Variants in ST8SIA5 observed in about 807,000 individuals in gnomAD.
The protein encoded by ST8SIA5 is ST8 alpha-N-acetyl-neuraminide alpha-2,8-sialyltransferase 5, also known as alpha-2,8-sialyltransferase 8E.
Under a neutral mutation model 40.2 loss-of-function variants are expected in ST8SIA5, and 24 were observed. The observed-to-expected ratio is 0.60, with a 90% confidence interval of 0.43 to 0.84. The LOEUF (loss-of-function observed/expected upper bound fraction) is 0.84. ST8SIA5 is among the 40% of genes least tolerant of loss of function. The pLI, the probability that ST8SIA5 is intolerant of heterozygous loss-of-function variation, is 0.00. For missense variants in ST8SIA5, 465 were observed against 498.5 expected (o/e 0.93, Z 0.64); for synonymous variants, 198 against 201.8 (o/e 0.98, Z 0.16).
intron 1 of ST8SIA5, among the ~76,000 whole-genome samples, chr18:46,738,251 C>CAAA (rs10645121): frequency 0.017 from 2,299 of 138,820 alleles, 53 homozygotes; most frequent in African/African-American, 0.05. Flanking sequence ...ATAGAAATGT[C>CAAA]AAAAAAAAAA....
chr18:46,743,469 T>C (rs182922128), intron 1 of ST8SIA5, among the ~76,000 whole-genome samples: 1 of 152,266 alleles, frequency 6.6e-6, no homozygotes, highest in East Asian at 1.9e-4. Flanking sequence ...GTATCAGTGA[T>C]TGAAGATCAA....
chr18:46,695,220 T>C (rs545977497), intron 2 of ST8SIA5, among the ~76,000 whole-genome samples: 1 of 151,902 alleles, frequency 6.6e-6, no homozygotes, highest in East Asian at 1.9e-4. Flanking sequence ...GCATGTCCTG[T>C]GTTTAATTGG....
In ST8SIA5 at chr18:46,682,009, C is replaced by T; in HGVS notation, c.625G>A (p.Asp209Asn). 6.2e-7 allele frequency: 1 copy of T among 1,613,776 alleles called. No individual in the cohort carries two copies. The highest frequency in any genetic ancestry group is 8.5e-7 in the Non-Finnish European group (1 of 1,179,932). Residue 209 changes from aspartate to asparagine, a missense_variant, in exon 6 of 7, where the codon GAT becomes AAT. Physicochemically the swap from Asp to Asn is conservative, Grantham distance 23. Coordinates refer to ENST00000315087, the MANE Select transcript of ST8SIA5 (RefSeq NM_013305.6). ...ATGCTGGGGTTCACAGTGACCACAT[C>T]CGTCTTCACCCCCACATCCATGGTG... ...KYTMDVGVKT[D>N]VVTVNPSIIT... is the part of the protein sequence containing the mutation.
chr18:46,685,730 G>A (rs903346014), intron 5 of ST8SIA5: 1 of 170,308 alleles, frequency 5.9e-6, no homozygotes, highest in Non-Finnish European at 1.3e-5. Context: ...AGATAAGAGG[G>A]GGGCTTTACG....
chr18:46,714,440 C>T (rs758526242), intron 1 of ST8SIA5, among the ~76,000 whole-genome samples: 14 of 152,042 alleles, frequency 9.2e-5, no homozygotes, highest in East Asian at 1.9e-4. Flanking sequence ...AGCACAGGAT[C>T]GTGAAGAAGG....
rs2039316481 is a variant in ST8SIA5, at chr18:46,672,705, C to T, written c.*7337G>A. On this transcript the variant is annotated 3_prime_UTR_variant, in exon 7 of 7. Coordinates refer to ENST00000315087, the MANE Select transcript of ST8SIA5 (RefSeq NM_013305.6). ...TCTAAAAGATCAGCAAGGCTATTGT[C>T]TCTCAGGACATGCTGGCCAGGACAG... 6.6e-6 allele frequency: 1 copy of T among 152,134 alleles called. No homozygotes were observed. The highest frequency in any genetic ancestry group is 1.5e-5 in the Non-Finnish European group (1 of 68,056). 9.4% of individuals were successfully genotyped at this position (152,134 alleles called of 1,614,324 possible).
chr18:46,669,843 G>A lies in ST8SIA5; in HGVS notation c.*10199C>T, dbSNP rs1448363480. 6.6e-6 allele frequency: 1 copy of A among 152,156 alleles called. No homozygotes were observed. The highest frequency in any genetic ancestry group is 1.5e-5 in the Non-Finnish European group (1 of 68,046). The allele number at this position is 152,156 out of a possible 1,614,324, so 9.4% of individuals were successfully genotyped here. On this transcript the variant is annotated 3_prime_UTR_variant, in exon 7 of 7. Coordinates refer to ENST00000315087, the MANE Select transcript of ST8SIA5 (RefSeq NM_013305.6). ...TCCCAGCACTTTGGGAGGAGGAGGT[G>A]GGCGAATCACGAGGTCAGGAGTTCA...
rs2039325646 is a variant in ST8SIA5, at chr18:46,674,101, G to GC, written c.*5940_*5941insG. ...CCAAAGCATTCAGCATGTTCCTCTA[G>GC]TTTTTTAAACACCATTGATAAATCC... On this transcript the variant is annotated 3_prime_UTR_variant, in exon 7 of 7. Coordinates refer to ENST00000315087, the MANE Select transcript of ST8SIA5 (RefSeq NM_013305.6). 6.6e-6 allele frequency: 1 copy of GC among 152,164 alleles called. No homozygotes were observed. Among genetic ancestry groups the GC allele is most frequent in the African/African-American group, 2.4e-5 (1 of 41,432 alleles). The allele number at this position is 152,164 out of a possible 1,614,324, so 9.4% of individuals were successfully genotyped here.
chr18:46,738,604 A>G (rs2040058052), intron 1 of ST8SIA5, among the ~76,000 whole-genome samples: 1 of 151,992 alleles, frequency 6.6e-6, no homozygotes, highest in African/African-American at 2.4e-5. Flanking sequence ...GCGAAACTGT[A>G]AAGTCACTCT....
rs1287695829 is a variant in ST8SIA5 at position 46,670,453 on chromosome 18, T to A, written c.*9589A>T. Reference sequence around the variant, plus strand: ...ATATGTATTTAGTTTTGGTCTTTTTTAATTATTATTTTGAGACAGGGTCTG... The same window carrying A: ...ATATGTATTTAGTTTTGGTCTTTTTAAATTATTATTTTGAGACAGGGTCTG... On this transcript the variant is annotated 3_prime_UTR_variant, in exon 7 of 7. Transcript: ENST00000315087. 6.6e-6 allele frequency: 1 copy of A among 152,194 alleles called. No homozygotes were observed. The highest frequency in any genetic ancestry group is 6.5e-5 in the Admixed American group (1 of 15,276). 9.4% of individuals were successfully genotyped at this position (152,194 alleles called of 1,614,324 possible).
At chr18:46,744,465 C>A (rs1391339079) in intron 1 of ST8SIA5, among the ~76,000 whole-genome samples, 1 of 151,998 alleles carries the variant, frequency 6.6e-6, no homozygotes, top group African/African-American at 2.4e-5. Context: ...AAAGAGACAA[C>A]GAAGGTCATT....
intron 1 of ST8SIA5, among the ~76,000 whole-genome samples, chr18:46,739,443 A>G (rs187077711): frequency 6.6e-6 from 1 of 152,314 alleles, no homozygotes; most frequent in Admixed American, 6.5e-5. Context: ...CTAAGGCAGG[A>G]GAATTGCTTG....
chr18:46,751,599 G>C (rs1020625960), intron 1 of ST8SIA5, among the ~76,000 whole-genome samples: 2 of 152,080 alleles, frequency 1.3e-5, no homozygotes, highest in African/African-American at 4.8e-5. Context: ...GTTTCACCAT[G>C]TTGGTCAAGC....
intron 1 of ST8SIA5, among the ~76,000 whole-genome samples, chr18:46,714,976 A>G (rs1179941486): frequency 6.6e-6 from 1 of 151,458 alleles, no homozygotes; most frequent in Non-Finnish European, 1.5e-5. Flanking sequence ...AGTGCCAACA[A>G]CTCCACTTCC....
At chr18:46,731,752 G>A (rs906188338) in intron 1 of ST8SIA5, 1 of 152,250 alleles carries the variant, frequency 6.6e-6, no homozygotes, top group African/African-American at 2.4e-5. Flanking sequence ...TAAAGTTAGG[G>A]ATGGCACCAT....
chr18:46,693,163 G>A lies in ST8SIA5; in HGVS notation c.225-908C>T, dbSNP rs572438373. Among the ~76,000 whole-genome samples, 25 of 151,322 alleles carry A rather than the reference G, an allele frequency of 1.7e-4. 1 individual carries two copies. In the South Asian group the frequency reaches 4.8e-3, roughly 29 times the overall value. ...CATTTTCATGTCTGCGTGTCCTACTGTACCTGATTAAAACAAATCCCAGAA... is the reference window on the plus strand; with the variant it reads ...CATTTTCATGTCTGCGTGTCCTACTATACCTGATTAAAACAAATCCCAGAA... On this transcript the variant is annotated intron_variant, in intron 2 of 6. Transcript: ENST00000315087.
chr18:46,749,310 T>G (rs924259380), intron 1 of ST8SIA5, among the ~76,000 whole-genome samples: 2 of 152,198 alleles, frequency 1.3e-5, no homozygotes, highest in Admixed American at 6.5e-5. Context: ...GATGTGCAAC[T>G]GTATGAATAT....
At chr18:46,717,639 A>G (rs1455677277) in intron 1 of ST8SIA5, among the ~76,000 whole-genome samples, 1 of 152,076 alleles carries the variant, frequency 6.6e-6, no homozygotes, top group Non-Finnish European at 1.5e-5. Flanking sequence ...TCTTTTCAAG[A>G]GCGAATTCTC....
At chr18:46,740,888 G>A (rs1054631963) in intron 1 of ST8SIA5, among the ~76,000 whole-genome samples, 6 of 152,180 alleles carry the variant, frequency 3.9e-5, no homozygotes, top group East Asian at 1.9e-4. Flanking sequence ...ATGCAATGTC[G>A]TTCTGAGTTC....
Sources: gnomAD v4.1 joint callset for allele counts (sites outside exome capture counted in the v4.1 genomes callset) on GRCh38, gnomAD v4.1.1 for gene constraint, MANE v1.5 for transcripts, NCBI Gene and HGNC (gene_info 2026-07-23, HGNC 2026-07-21) for gene names.